CARMIL1: variants seen among roughly 807,000 people sequenced by gnomAD.
CARMIL1 encodes capping protein regulator and myosin 1 linker 1.
CARMIL1 carries 90 observed loss-of-function variants against 177.1 expected under a neutral mutation model. The ratio of observed to expected loss-of-function variants is 0.51; its 90% CI spans 0.43 to 0.61. The LOEUF (loss-of-function observed/expected upper bound fraction) is 0.61, where lower values mean the gene tolerates loss of function less well. Among genes scored for constraint, CARMIL1 ranks in the 20% least tolerant of loss-of-function variants. CARMIL1 has a pLI of 0.00. For synonymous variants in CARMIL1, 577 were observed against 606.2 expected (o/e 0.95, Z 0.71); for missense variants, 1,380 against 1,667.0 (o/e 0.83, Z 3.00).
intron 26 of CARMIL1, among the ~76,000 whole-genome samples, chr6:25,546,501 A>G (rs1809481709): frequency 1.3e-5 from 2 of 151,838 alleles, no homozygotes. Flanking sequence ...GGAGTTTGAG[A>G]CCAGCCTGGA....
intron 4 of CARMIL1, among the ~76,000 whole-genome samples, chr6:25,430,336 A>AT (rs1329876480): frequency 5.3e-5 from 8 of 149,744 alleles, no homozygotes; most frequent in Admixed American, 4.6e-4. Context: ...CTTCTCTTAA[A>AT]TTTTTTCTGT....
At chr6:25,568,566 A>G (rs1465848034) in intron 29 of CARMIL1, among the ~76,000 whole-genome samples, 1 of 152,184 alleles carries the variant, frequency 6.6e-6, no homozygotes, top group African/African-American at 2.4e-5. Context: ...TAGGGTGGGT[A>G]CCTGCAAATC....
At chr6:25,459,731 G>A (rs1238147400) in intron 8 of CARMIL1, among the ~76,000 whole-genome samples, 1 of 152,136 alleles carries the variant, frequency 6.6e-6, no homozygotes, top group Non-Finnish European at 1.5e-5. Context: ...TGTTAATACT[G>A]GATCCTTCTC....
intron 2 of CARMIL1, among the ~76,000 whole-genome samples, chr6:25,384,816 T>A (rs1791986483): frequency 6.6e-6 from 1 of 152,202 alleles, no homozygotes; most frequent in Non-Finnish European, 1.5e-5. Context: ...TAATAGAGTG[T>A]TTTGTTCAAG....
intron 2 of CARMIL1, among the ~76,000 whole-genome samples, chr6:25,377,639 C>T (rs906629484): frequency 6.6e-6 from 1 of 152,064 alleles, no homozygotes; most frequent in East Asian, 1.9e-4. Context: ...CATGAAAAGC[C>T]TTAGTGTGTT....
intron 2 of CARMIL1, among the ~76,000 whole-genome samples, chr6:25,414,310 C>G (rs1795184587): frequency 1.3e-5 from 2 of 152,148 alleles, no homozygotes; most frequent in African/African-American, 4.8e-5. Context: ...TCCCAGTTTT[C>G]TGGGATGCAG....
At chr6:25,510,799 G>T in intron 20 of CARMIL1, 37 bp downstream of exon 20, 1 of 1,251,584 alleles carries the variant, frequency 8.0e-7, no homozygotes, top group Non-Finnish European at 1.1e-6. Context: ...AAAATCTTCT[G>T]TTTGTTGCCA....
chr6:25,523,938 G>T (rs1806831342), intron 23 of CARMIL1, among the ~76,000 whole-genome samples: 1 of 152,178 alleles, frequency 6.6e-6, no homozygotes, highest in South Asian at 2.1e-4. Flanking sequence ...TCCAGTTTTA[G>T]GGAACCCCCA....
chr6:25,613,518 A>G (rs1816660969), intron 36 of CARMIL1, among the ~76,000 whole-genome samples: 1 of 152,180 alleles, frequency 6.6e-6, no homozygotes, highest in Non-Finnish European at 1.5e-5. Context: ...AAATTCTGTA[A>G]TGTTCTGTTC....
At chr6:25,571,104 G>A (rs1232706707) in intron 29 of CARMIL1, among the ~76,000 whole-genome samples, 1 of 152,004 alleles carries the variant, frequency 6.6e-6, no homozygotes, top group Admixed American at 6.6e-5. Flanking sequence ...GAGTTTTCTC[G>A]TTGAGCTGAA....
At chr6:25,536,689 C>T (rs1288366854) in intron 24 of CARMIL1, among the ~76,000 whole-genome samples, 2 of 152,124 alleles carry the variant, frequency 1.3e-5, no homozygotes, top group African/African-American at 4.8e-5. Context: ...AGCAAGTAGA[C>T]ATGGGCTCTG....
chr6:25,587,749 A>G (rs905627942), intron 31 of CARMIL1, among the ~76,000 whole-genome samples: 7 of 152,234 alleles, frequency 4.6e-5, no homozygotes, highest in African/African-American at 1.7e-4. Context: ...CTAACTTTAC[A>G]TACAATTTTA....
intron 2 of CARMIL1, among the ~76,000 whole-genome samples, chr6:25,288,478 G>GT (rs370669890): frequency 0.085 from 11,386 of 133,370 alleles, 728 homozygotes; most frequent in African/African-American, 0.19. Flanking sequence ...TAAGAATCAG[G>GT]TTTTTTTTTT....
At chr6:25,556,921 T>TTTTTA in intron 29 of CARMIL1, 71 bp downstream of exon 29, 2 of 1,354,846 alleles carry the variant, frequency 1.5e-6, no homozygotes, top group Non-Finnish European at 2.0e-6. Context: ...TTTTTTTTTT[T>TTTTTA]AAATCTCACC....
At chr6:25,598,400 A>G (rs1342638656) in intron 32 of CARMIL1, among the ~76,000 whole-genome samples, 1 of 151,812 alleles carries the variant, frequency 6.6e-6, no homozygotes, top group African/African-American at 2.4e-5. Flanking sequence ...CACCCCTCCC[A>G]GCTAATTTTT....
rs1808741252 is a variant in CARMIL1 at position 25,540,091 on chromosome 6, T to C, written c.2328+13T>C. 1.3e-6 allele frequency: 2 copies of C among 1,575,418 alleles called. No homozygotes were observed. The highest frequency in any genetic ancestry group is 8.6e-7 in the Non-Finnish European group (1 of 1,166,506). ...TGAACAACTAAAGGTTTGTGGGGTT[T>C]GTTATTTGGGAAATGAAATTGTTAA... On this transcript the variant is annotated intron_variant, in intron 26 of 36. Coordinates refer to ENST00000329474, the MANE Select transcript of CARMIL1 (RefSeq NM_017640.6).
chr6:25,467,437 A>G (rs1014281608), intron 9 of CARMIL1, among the ~76,000 whole-genome samples: 10 of 152,218 alleles, frequency 6.6e-5, no homozygotes, highest in African/African-American at 2.2e-4. Flanking sequence ...GGCTCATTCA[A>G]ACATTTACAT....
intron 2 of CARMIL1, among the ~76,000 whole-genome samples, chr6:25,358,714 A>G (rs1788885465): frequency 6.6e-6 from 1 of 152,236 alleles, no homozygotes; most frequent in African/African-American, 2.4e-5. Context: ...TTTATTATAA[A>G]GAAGTGATAT....
rs145019740 is a variant in CARMIL1 at position 25,385,274 on chromosome 6, A to G, written c.139-34840A>G. 7.9e-4 allele frequency among the ~76,000 whole-genome samples: 120 copies of G among 152,330 alleles called. 2 individuals are homozygous for G. The East Asian group carries it at 0.02, about 26-fold the overall frequency. On this transcript the variant is annotated intron_variant, in intron 2 of 36. Coordinates refer to ENST00000329474, the MANE Select transcript of CARMIL1 (RefSeq NM_017640.6). The stretch of plus-strand genomic sequence containing the variant: ...GGTGAGAGAATGGGCTGGAGATGTA[A>G]CAAAGGTGCTCTGTGACAGAGTTTG...
Sources: gnomAD v4.1 joint callset for allele counts (sites outside exome capture counted in the v4.1 genomes callset) on GRCh38, gnomAD v4.1.1 for gene constraint, MANE v1.5 for transcripts, NCBI Gene and HGNC (gene_info 2026-07-23, HGNC 2026-07-21) for gene names.